ZC3H12A: variants seen among roughly 807,000 people sequenced by gnomAD.
ZC3H12A encodes endoribonuclease ZC3H12A.
A neutral mutation model predicts 29.9 loss-of-function variants in ZC3H12A; 9 were observed. That is an observed-to-expected ratio of 0.30 (90% CI 0.18 to 0.53). ZC3H12A has a LOEUF of 0.53. Ranked by LOEUF, ZC3H12A falls within the 20% of genes least tolerant of loss-of-function variation. ZC3H12A has a pLI of 0.96. For synonymous variants in ZC3H12A, 323 were observed against 338.1 expected (o/e 0.96, Z 0.49); for missense variants, 617 against 799.0 (o/e 0.77, Z 2.75).
chr1:37,479,015 C>T lies in ZC3H12A; in HGVS notation c.444-1275C>T. On this transcript the variant is annotated intron_variant, in intron 2 of 5. Coordinates refer to ENST00000373087, the MANE Select transcript of ZC3H12A (RefSeq NM_025079.3). This position sits in a 1 kb window ranked among gnomAD's most constrained non-coding sequence, Gnocchi z 4.5. Reference sequence around the variant, plus strand: ...GCTGCCCCACCTCCCTCCCTAGCTTCTCTTAGGGCTCCAGCTATCACCCCT... The same window carrying T: ...GCTGCCCCACCTCCCTCCCTAGCTTTTCTTAGGGCTCCAGCTATCACCCCT... 22 of 985,260 alleles carry T rather than the reference C, an allele frequency of 2.2e-5. No individual in the cohort carries two copies. The highest frequency in any genetic ancestry group is 2.5e-5 in the Non-Finnish European group (21 of 829,880). 61.0% of individuals were successfully genotyped at this position (985,260 alleles called of 1,614,324 possible).
Position 37,483,493 on chromosome 1 carries a change from G to A in ZC3H12A, c.1682G>A (p.Cys561Tyr), listed in dbSNP as rs1313956119. The change falls in exon 6 of 6, where the codon TGT becomes TAT. Residue 561 changes from cysteine (C) to tyrosine (Y), a missense_variant. Coordinates refer to ENST00000373087, the MANE Select transcript of ZC3H12A (RefSeq NM_025079.3). ...KEQASVYTKL[C>Y]GVFPPHLVEA... Reference sequence around the variant, plus strand: ...CAGGCCAGCGTGTATACTAAGCTGTGTGGTGTGTTTCCCCCGCACCTGGTG... The same window carrying A: ...CAGGCCAGCGTGTATACTAAGCTGTATGGTGTGTTTCCCCCGCACCTGGTG... 1.2e-6 allele frequency: 2 copies of A among 1,614,016 alleles called. No homozygotes were observed. The highest frequency in any genetic ancestry group is 3.3e-5 in the Admixed American group (2 of 60,032).
At chr1:37,480,102 C>T in intron 2 of ZC3H12A, 188 bp from the exon 3 acceptor site, 1 of 1,304,980 alleles carries the variant, frequency 7.7e-7, no homozygotes, top group East Asian at 2.7e-5. Flanking sequence ...GCCCCACCTG[C>T]AGAGGGCCAG....
rs1383293058 is a variant in ZC3H12A, at chr1:37,483,347, A to C, written c.1536A>C (p.Arg512=). Residue 512 remains arginine (R), a synonymous_variant, in exon 6 of 6, where the codon CGA becomes CGC. Transcript: ENST00000373087. ...YPPAPPAFPP[R]EYWSEPYPLP... ...CCGCGCCCCCTGCCTTTCCACCTCG[A>C]GAGTACTGGTCTGAACCATACCCAC... 1 of 1,614,086 alleles carries C rather than the reference A, an allele frequency of 6.2e-7. No individual in the cohort carries two copies. The highest frequency in any genetic ancestry group is 8.5e-7 in the Non-Finnish European group (1 of 1,179,990).
At position 37,478,679 on chromosome 1, in the gene ZC3H12A, C is replaced by A; in HGVS notation, c.444-1611C>A. The A allele has an allele frequency of 4.9e-6, 1 of 203,462 alleles. No homozygotes were observed. Among genetic ancestry groups the A allele is most frequent in the Non-Finnish European group, 8.7e-6 (1 of 114,974 alleles). The allele number at this position is 203,462 out of a possible 1,614,324, so 12.6% of individuals were successfully genotyped here. On this transcript the variant is annotated intron_variant, in intron 2 of 5. Coordinates refer to ENST00000373087, the MANE Select transcript of ZC3H12A (RefSeq NM_025079.3). This position sits in a 1 kb window ranked among gnomAD's most constrained non-coding sequence, Gnocchi z 5.2. ...TGCGTCTCTCTTCCACCGTTAACTG[C>A]TGTGTGACCCTGGTGACTAAGCTGC...
chr1:37,480,476 C>A lies in ZC3H12A; in HGVS notation c.583+47C>A, dbSNP rs751060479. On this transcript the variant is annotated intron_variant, in intron 3 of 5. Transcript: ENST00000373087. ...GGGATGGTCTTACTGCCCCAGCAGC[C>A]CTGGTTCTCCCCAAGAGAGACCCTC... The A allele has an allele frequency of 3.1e-6, 5 of 1,587,322 alleles. No homozygotes were observed. The South Asian group carries it at 5.8e-5, about 18-fold the overall frequency.
At position 37,479,151 on chromosome 1, in the gene ZC3H12A, G is replaced by T. The variant is rs1557593666; in HGVS notation, c.444-1139G>T. ...TTTGCCAAATACGAGAGTCTAAGCT[G>T]TTCACTGAGGGGGCAGTGAGACGTG... On this transcript the variant is annotated intron_variant, in intron 2 of 5. Coordinates refer to ENST00000373087, the MANE Select transcript of ZC3H12A (RefSeq NM_025079.3). The surrounding 1 kb of genome is among the most constrained non-coding windows in gnomAD (Gnocchi z 4.5). 2 of 985,310 alleles carry T rather than the reference G, an allele frequency of 2.0e-6. No homozygotes were observed. Among genetic ancestry groups the T allele is most frequent in the Non-Finnish European group, 2.4e-6 (2 of 829,936 alleles). The allele number at this position is 985,310 out of a possible 1,614,324, so 61.0% of individuals were successfully genotyped here.
intron 3 of ZC3H12A, among the ~76,000 whole-genome samples, chr1:37,481,061 C>G (rs1455666060): frequency 6.6e-6 from 1 of 152,222 alleles, no homozygotes; most frequent in Non-Finnish European, 1.5e-5. Context: ...CTGTCTGGGA[C>G]TGTAGGCTCC....
Position 37,483,898 on chromosome 1 carries a change from G to A in ZC3H12A, c.*287G>A, listed in dbSNP as rs1209723589. On this transcript the variant is annotated 3_prime_UTR_variant, in exon 6 of 6. Coordinates refer to ENST00000373087, the MANE Select transcript of ZC3H12A (RefSeq NM_025079.3). ...ACGCTGCCGGTAACGGCGTCGGTCC[G>A]TGGCTGAGGCCCAAACCGTCTTTTC... The A allele has an allele frequency of 1.1e-5, 4 of 377,512 alleles. No individual in the cohort carries two copies. Among genetic ancestry groups the A allele is most frequent in the South Asian group, 5.3e-5 (1 of 18,880 alleles). 23.4% of individuals were successfully genotyped at this position (377,512 alleles called of 1,614,324 possible).
In ZC3H12A at chr1:37,479,338, T is replaced by A. The variant is rs1641652660; in HGVS notation, c.444-952T>A. 1.0e-6 allele frequency: 1 copy of A among 985,306 alleles called. No homozygotes were observed. The highest frequency in any genetic ancestry group is 1.1e-4 in the East Asian group (1 of 8,816). The allele number at this position is 985,306 out of a possible 1,614,324, so 61.0% of individuals were successfully genotyped here. ...AGCTGTCCCACTGACTGACCCCTCTTAAGGAAGCTGCAGACTGCTGGGCCC... is the reference window on the plus strand; with the variant it reads ...AGCTGTCCCACTGACTGACCCCTCTAAAGGAAGCTGCAGACTGCTGGGCCC... On this transcript the variant is annotated intron_variant, in intron 2 of 5. Transcript: ENST00000373087. The surrounding 1 kb of genome is among the most constrained non-coding windows in gnomAD (Gnocchi z 4.5).
In ZC3H12A at chr1:37,476,155, G is replaced by A. The variant is rs374673345; in HGVS notation, c.443+216G>A. On this transcript the variant is annotated intron_variant, in intron 2 of 5. Coordinates refer to ENST00000373087, the MANE Select transcript of ZC3H12A (RefSeq NM_025079.3). This position sits in a 1 kb window ranked among gnomAD's most constrained non-coding sequence, Gnocchi z 6.0. Reference sequence around the variant, plus strand: ...GGTTCCAGCCCAGGTCCCTCTGTCCGCAGAGCTTACCTTATGCTGTGGGTC... The same window carrying A: ...GGTTCCAGCCCAGGTCCCTCTGTCCACAGAGCTTACCTTATGCTGTGGGTC... 5.3e-5 allele frequency among the ~76,000 whole-genome samples: 8 copies of A among 152,172 alleles called. No homozygotes were observed. The highest frequency in any genetic ancestry group is 7.3e-5 in the Non-Finnish European group (5 of 68,030).
At position 37,478,957 on chromosome 1, in the gene ZC3H12A, A is replaced by C; in HGVS notation, c.444-1333A>C. 2.0e-6 allele frequency: 2 copies of C among 985,108 alleles called. No individual in the cohort carries two copies. The highest frequency in any genetic ancestry group is 2.4e-6 in the Non-Finnish European group (2 of 829,864). The allele number at this position is 985,108 out of a possible 1,614,324, so 61.0% of individuals were successfully genotyped here. ...AGAGACCTTCAGACCCTGGTGCCCC[A>C]GTCTTGCCCCCAAATAGCCTCCATG... On this transcript the variant is annotated intron_variant, in intron 2 of 5. Coordinates refer to ENST00000373087, the MANE Select transcript of ZC3H12A (RefSeq NM_025079.3). The surrounding 1 kb of genome is among the most constrained non-coding windows in gnomAD (Gnocchi z 5.2).
rs753191968 is a variant in ZC3H12A, at chr1:37,482,924, T to G, written c.1113T>G (p.Ser371Arg). 6.2e-7 allele frequency: 1 copy of G among 1,613,188 alleles called. No individual in the cohort carries two copies. The highest frequency in any genetic ancestry group is 2.2e-5 in the East Asian group (1 of 44,868). ...AGTCCAGCTCTCTGCTAACAGAGAG[T>G]GAGCAGTGCAGCCTGGATGGGAAGA... ...SSQSSSLLTE[S>R]EQCSLDGKKL... Residue 371 changes from serine (S) to arginine (R), a missense_variant, in exon 6 of 6, where the codon AGT becomes AGG. Ser to Arg is a moderately radical substitution (Grantham distance 110). This residue lies in a region of ZC3H12A where 115 missense variants were observed against 112.5 expected (regional missense o/e 1.02). Coordinates refer to ENST00000373087, the MANE Select transcript of ZC3H12A (RefSeq NM_025079.3).
In ZC3H12A at chr1:37,475,563, G is replaced by C; in HGVS notation, c.67G>C (p.Glu23Gln). 1.2e-6 allele frequency: 2 copies of C among 1,613,854 alleles called. No homozygotes were observed. Among genetic ancestry groups the C allele is most frequent in the Non-Finnish European group, 1.7e-6 (2 of 1,180,014 alleles). The change falls in exon 2 of 6, where the codon GAG becomes CAG. Residue 23 changes from glutamate to glutamine, a missense_variant. This residue lies in a region of ZC3H12A where 67 missense variants were observed against 56.2 expected (regional missense o/e 1.19). Transcript: ENST00000373087. The surrounding 1 kb of genome is among the most constrained non-coding windows in gnomAD (Gnocchi z 5.2). ...CCCCACCATGAGTCTGTGGGAATTTGAGGACAGCCACAGCCGTCAGGGCAC... is the reference window on the plus strand; with the variant it reads ...CCCCACCATGAGTCTGTGGGAATTTCAGGACAGCCACAGCCGTCAGGGCAC... Reference protein sequence around the residue: ...ASPTMSLWEFEDSHSRQGTPR... With the variant: ...ASPTMSLWEFQDSHSRQGTPR...
At position 37,479,080 on chromosome 1, in the gene ZC3H12A, G is replaced by A. The variant is rs1377768841; in HGVS notation, c.444-1210G>A. On this transcript the variant is annotated intron_variant, in intron 2 of 5. Transcript: ENST00000373087. This position sits in a 1 kb window ranked among gnomAD's most constrained non-coding sequence, Gnocchi z 4.5. ...CCATTAAAGACACCCACAGGATGTG[G>A]TTGGCCCTGGACTTGCCTCTTTTGC... The A allele has an allele frequency of 3.0e-6, 3 of 985,090 alleles. No individual in the cohort carries two copies. The highest frequency in any genetic ancestry group is 1.8e-5 in the African/African-American group (1 of 57,142). The allele number at this position is 985,090 out of a possible 1,614,324, so 61.0% of individuals were successfully genotyped here. A position where few individuals can be genotyped will look rare whatever the true frequency, so the allele number is the denominator to read the frequency against.
rs1448124710 is a variant in ZC3H12A, at chr1:37,476,001, A to G, written c.443+62A>G. On this transcript the variant is annotated intron_variant, in intron 2 of 5. Transcript: ENST00000373087. The surrounding 1 kb of genome is among the most constrained non-coding windows in gnomAD (Gnocchi z 6.0). ...CGCATCTCTCCTGTGGCCAGGACAC[A>G]TGGAAGGATGACTGTCTCTGCAGCT... is the stretch of plus-strand genomic sequence containing the variant. 1 of 1,414,928 alleles carries G rather than the reference A, an allele frequency of 7.1e-7. No individual in the cohort carries two copies. Among genetic ancestry groups the G allele is most frequent in the African/African-American group, 1.4e-5 (1 of 69,898 alleles). 87.6% of individuals were successfully genotyped at this position (1,414,928 alleles called of 1,614,324 possible).
rs1215989527 is a variant in ZC3H12A, at chr1:37,476,903, G to T, written c.443+964G>T. Among the ~76,000 whole-genome samples, 2 of 152,260 alleles carry T rather than the reference G, an allele frequency of 1.3e-5. No homozygotes were observed. The highest frequency in any genetic ancestry group is 4.8e-5 in the African/African-American group (2 of 41,472). The stretch of plus-strand genomic sequence containing the variant: ...GTTGAGAAGGGATGATTTTCTGGCT[G>T]CCCTGAGGGAGCTCCTAGGTGGGCT... On this transcript the variant is annotated intron_variant, in intron 2 of 5. Coordinates refer to ENST00000373087, the MANE Select transcript of ZC3H12A (RefSeq NM_025079.3). The surrounding 1 kb of genome is among the most constrained non-coding windows in gnomAD (Gnocchi z 6.0).
intron 2 of ZC3H12A, among the ~76,000 whole-genome samples, chr1:37,477,355 A>G (rs1569919286): frequency 6.6e-6 from 1 of 152,188 alleles, no homozygotes; most frequent in Admixed American, 6.5e-5. Context: ...AGGGGTGCTC[A>G]GAGGAGCCTG....
Position 37,482,955 on chromosome 1 carries a change from G to A in ZC3H12A, c.1144G>A (p.Gly382Arg), listed in dbSNP as rs1035895951. ...GTGCAGCCTGGATGGGAAGAAGCTG[G>A]GGGCCCAGGCATCCCCAGGGTCCCG... ...EQCSLDGKKL[G>R]AQASPGSRQE... Residue 382 changes from glycine to arginine, a missense_variant, in exon 6 of 6, where the codon GGG (glycine) becomes AGG (arginine). Gly to Arg is a moderately radical substitution (Grantham distance 125). Around this residue, in one of 5 missense-constraint regions of ZC3H12A, gnomAD observed 115 missense variants for 112.5 expected, o/e 1.02. Coordinates refer to ENST00000373087, the MANE Select transcript of ZC3H12A (RefSeq NM_025079.3). 2 of 1,612,896 alleles carry A rather than the reference G, an allele frequency of 1.2e-6. No individual in the cohort carries two copies. Among genetic ancestry groups the A allele is most frequent in the Non-Finnish European group, 1.7e-6 (2 of 1,179,760 alleles).
At position 37,483,194 on chromosome 1, in the gene ZC3H12A, G is replaced by C; in HGVS notation, c.1383G>C (p.Pro461=). 1.2e-6 allele frequency: 2 copies of C among 1,613,474 alleles called. No homozygotes were observed. The highest frequency in any genetic ancestry group is 2.2e-5 in the South Asian group (2 of 91,078). The change falls in exon 6 of 6, where the codon CCG becomes CCC. Residue 461 remains proline (P), a synonymous_variant. Transcript: ENST00000373087. Reference sequence around the variant, plus strand: ...TTCGAGGAGGAGGCCCTGGTGAGCCGGGCCCACCCCGAGCCCCTTACACGG... The same window carrying C: ...TTCGAGGAGGAGGCCCTGGTGAGCCCGGCCCACCCCGAGCCCCTTACACGG... ...WGVRGGGPGE[P]GPPRAPYTGY...
Sources: allele counts gnomAD v4.1 joint callset (sites outside exome capture counted in the v4.1 genomes callset), GRCh38; gene constraint gnomAD v4.1.1; regional missense constraint gnomAD v4.1.1; non-coding constraint Gnocchi (gnomAD v3.1); transcripts MANE v1.5; gene names NCBI Gene and HGNC (gene_info 2026-07-23, HGNC 2026-07-21).